TRIM2: variants seen among roughly 807,000 people sequenced by gnomAD.
TRIM2 encodes the protein tripartite motif-containing protein 2.
Under a neutral mutation model 75.2 loss-of-function variants are expected in TRIM2, and 20 were observed. That is an observed-to-expected ratio of 0.27 (90% CI 0.19 to 0.39). The LOEUF (loss-of-function observed/expected upper bound fraction) is 0.39. Among genes scored for constraint, TRIM2 ranks in the 10% least tolerant of loss-of-function variants. The pLI is 1.00. For missense variants in TRIM2, 660 were observed against 990.8 expected (o/e 0.67, Z 4.48); for synonymous variants, 373 against 388.3 (o/e 0.96, Z 0.46).
rs1772704875 is a variant in TRIM2 at position 153,338,432 on chromosome 4, A to G, written c.*3466A>G. On this transcript the variant is annotated 3_prime_UTR_variant, in exon 12 of 12. Coordinates refer to ENST00000338700, the MANE Select transcript of TRIM2 (RefSeq NM_015271.5). The stretch of plus-strand genomic sequence containing the variant: ...AAAACAAGACATCTCCAGGTAGGAA[A>G]AAATGAAAGCTATTTCATGCAAACA... The G allele has an allele frequency of 1.0e-6, 1 of 985,716 alleles. No individual in the cohort carries two copies. The highest frequency in any genetic ancestry group is 1.2e-6 in the Non-Finnish European group (1 of 829,902). 61.1% of individuals were successfully genotyped at this position (985,716 alleles called of 1,614,324 possible).
rs75356601 is a variant in TRIM2, at chr4:153,305,700, A to T, written c.1510+9664A>T. 5.0e-3 allele frequency among the ~76,000 whole-genome samples: 766 copies of T among 152,294 alleles called. 5 individuals carry two copies. The highest frequency in any genetic ancestry group is 0.017 in the African/African-American group (706 of 41,566). On this transcript the variant is annotated intron_variant, in intron 6 of 11. Transcript: ENST00000338700. ...TTTAAAACAACTCATTCTTGTGAGA[A>T]CTCACCCCTCCAAAATGGTATTGAT...
intron 6 of TRIM2, among the ~76,000 whole-genome samples, chr4:153,313,802 A>C (rs1484428346): frequency 5.3e-5 from 8 of 151,022 alleles, no homozygotes; most frequent in Admixed American, 5.3e-4. Flanking sequence ...ATGCCCAGTT[A>C]GTTTTTGTAT....
At chr4:153,177,410 C>T (rs1731552970) in intron 1 of TRIM2, among the ~76,000 whole-genome samples, 1 of 152,160 alleles carries the variant, frequency 6.6e-6, no homozygotes, top group Admixed American at 6.5e-5. Flanking sequence ...AATCCCAGCA[C>T]TCTGGGAGGC....
intron 6 of TRIM2, 73 bp downstream of exon 6, chr4:153,296,109 A>G: frequency 2.0e-6 from 3 of 1,485,812 alleles, no homozygotes; most frequent in Non-Finnish European, 2.7e-6. Flanking sequence ...GTGTCATTGC[A>G]AATAGCAACA....
chr4:153,250,777 G>T (rs932658260), intron 1 of TRIM2, among the ~76,000 whole-genome samples: 5 of 152,186 alleles, frequency 3.3e-5, no homozygotes, highest in African/African-American at 1.2e-4. Context: ...AGGGAGTCAG[G>T]GGTGCTTGAC....
At chr4:153,278,294 T>C (rs1758466610) in intron 3 of TRIM2, among the ~76,000 whole-genome samples, 1 of 152,114 alleles carries the variant, frequency 6.6e-6, no homozygotes, top group African/African-American at 2.4e-5. Flanking sequence ...TTGTATTTTC[T>C]GTAGAGACAG....
intron 1 of TRIM2, among the ~76,000 whole-genome samples, chr4:153,228,514 T>C (rs1362538983): frequency 6.6e-6 from 1 of 152,244 alleles, no homozygotes; most frequent in Non-Finnish European, 1.5e-5. Flanking sequence ...TGGCAATAAC[T>C]GGGTATCTTT....
intron 8 of TRIM2, among the ~76,000 whole-genome samples, chr4:153,321,930 A>C (rs1446595321): frequency 1.3e-5 from 2 of 152,122 alleles, no homozygotes; most frequent in East Asian, 3.8e-4. Context: ...AGGAATCTGA[A>C]GTTTAAGGAA....
In TRIM2 at chr4:153,273,270, CTTTTTTT is replaced by C. The variant is rs72414117; in HGVS notation, c.216-2606_216-2600del. Reference sequence around the variant, plus strand: ...ACTCAGTGAGCACCTTACAGTCACTCTTTTTTTTTTTTTTTTTTTTTTTGAGACAGAG... The same window carrying C: ...ACTCAGTGAGCACCTTACAGTCACTCTTTTTTTTTTTTTTTTGAGACAGAG... On this transcript the variant is annotated intron_variant, in intron 2 of 11. Transcript: ENST00000338700. Among the ~76,000 whole-genome samples the C allele has an allele frequency of 3.3e-4, 19 of 57,384 alleles. 1 individual carries two copies. Among genetic ancestry groups the C allele is most frequent in the South Asian group, 9.8e-4 (1 of 1,024 alleles). The allele number at this position is 57,384 out of a possible 152,430, so 37.6% of individuals were successfully genotyped here.
At chr4:153,209,033 A>T (rs957668598) in intron 1 of TRIM2, among the ~76,000 whole-genome samples, 1 of 152,162 alleles carries the variant, frequency 6.6e-6, no homozygotes, top group African/African-American at 2.4e-5. Flanking sequence ...TTTCTTCACC[A>T]GGCCCATTTT....
chr4:153,324,054 T>C, intron 9 of TRIM2, 24 bp from the exon 10 acceptor site: 2 of 1,599,980 alleles, frequency 1.3e-6, no homozygotes, highest in Non-Finnish European at 1.7e-6. Context: ...AGTCATCACA[T>C]ATTTTTTTCC....
At chr4:153,271,150 A>G (rs1756578012) in intron 2 of TRIM2, among the ~76,000 whole-genome samples, 1 of 152,172 alleles carries the variant, frequency 6.6e-6, no homozygotes, top group South Asian at 2.1e-4. Flanking sequence ...CTTTTACCCC[A>G]TTGTTTAACT....
intron 6 of TRIM2, among the ~76,000 whole-genome samples, chr4:153,313,711 C>T (rs946199411): frequency 2.1e-5 from 3 of 144,012 alleles, no homozygotes; most frequent in Admixed American, 7.2e-5. Flanking sequence ...CAGTTCACTG[C>T]AACCTCCACC....
intron 1 of TRIM2, among the ~76,000 whole-genome samples, chr4:153,180,280 C>A (rs1274050951): frequency 6.6e-6 from 1 of 152,180 alleles, no homozygotes; most frequent in Non-Finnish European, 1.5e-5. Context: ...ATGCTCATGG[C>A]ACATTTCACA....
At chr4:153,275,818 G>C in intron 2 of TRIM2, 75 bp from the exon 3 acceptor site, 1 of 1,357,692 alleles carries the variant, frequency 7.4e-7, no homozygotes, top group Non-Finnish European at 1.0e-6. Flanking sequence ...TGTAGTCACT[G>C]AGAACATGTA....
chr4:153,282,260 G>A (rs1036814877), intron 3 of TRIM2, among the ~76,000 whole-genome samples: 6 of 152,346 alleles, frequency 3.9e-5, no homozygotes, highest in Middle Eastern at 3.4e-3. Context: ...CAGAACCGAA[G>A]CACGAGCCTT....
chr4:153,208,642 T>A (rs1736111210), intron 1 of TRIM2, among the ~76,000 whole-genome samples: 1 of 152,110 alleles, frequency 6.6e-6, no homozygotes, highest in Admixed American at 6.5e-5. Flanking sequence ...ACTTACCCTC[T>A]CCAGTTCTTG....
intron 3 of TRIM2, among the ~76,000 whole-genome samples, chr4:153,286,097 T>C (rs1247500408): frequency 6.6e-6 from 1 of 152,208 alleles, no homozygotes; most frequent in Admixed American, 6.5e-5. Flanking sequence ...ATAATGAGTT[T>C]TTTCTTTCAT....
At chr4:153,189,145 C>T (rs1014054294) in intron 1 of TRIM2, among the ~76,000 whole-genome samples, 1 of 152,200 alleles carries the variant, frequency 6.6e-6, no homozygotes, top group African/African-American at 2.4e-5. Context: ...GTCACCGCAC[C>T]GGCCTGGAGA....
Sources: gnomAD v4.1 joint callset for allele counts (sites outside exome capture counted in the v4.1 genomes callset) on GRCh38, gnomAD v4.1.1 for gene constraint, MANE v1.5 for transcripts, NCBI Gene and HGNC (gene_info 2026-07-23, HGNC 2026-07-21) for gene names.